The following TMEM181 variants were observed in gnomAD, a reference collection of about 807,000 sequenced individuals.
TMEM181 encodes transmembrane protein 181.
In TMEM181, 39 loss-of-function variants were observed where a neutral mutation model predicts 71.9. The ratio of observed to expected loss-of-function variants is 0.54; its 90% CI spans 0.42 to 0.71. The LOEUF is 0.71. Ranked by LOEUF, TMEM181 falls within the 30% of genes least tolerant of loss-of-function variation. The pLI is 0.00. For missense variants in TMEM181, 595 were observed against 583.0 expected, an observed-to-expected ratio of 1.02 and a Z score of -0.21; for synonymous variants, 245 against 228.8, an observed-to-expected ratio of 1.07 and a Z score of -0.64.
upstream of TMEM181, chr6:158,560,005 G>C (rs573932412): frequency 2.0e-6 from 2 of 977,010 alleles, no homozygotes; most frequent in African/African-American, 1.8e-5. Context: ...CTCGCCGCGC[G>C]CCCGCGGCCC....
At chr6:158,590,550 G>A (rs1486205154) in intron 6 of TMEM181, among the ~76,000 whole-genome samples, 1 of 151,970 alleles carries the variant, frequency 6.6e-6, no homozygotes, top group African/African-American at 2.4e-5. Context: ...TGCAACCTCC[G>A]CCTCCCGGGT....
At chr6:158,560,017 G>T (rs904694675), upstream of TMEM181, 1 of 983,370 alleles carries the variant, frequency 1.0e-6, no homozygotes, top group Non-Finnish European at 1.2e-6. Context: ...CCGCGGCCCC[G>T]CTTCCACCGC....
chr6:158,602,710 G>A (rs1784736501), intron 6 of TMEM181, among the ~76,000 whole-genome samples: 1 of 151,916 alleles, frequency 6.6e-6, no homozygotes, highest in Admixed American at 6.6e-5. Flanking sequence ...CTGAGTAGCT[G>A]TGAATACAGG....
At chr6:158,607,143 T>C in intron 7 of TMEM181, 101 bp from the exon 8 acceptor site, 6 of 917,892 alleles carry the variant, frequency 6.5e-6, no homozygotes, top group African/African-American at 1.6e-5. Context: ...ACCTAGACCA[T>C]TGATTAGAGA....
intron 1 of TMEM181, among the ~76,000 whole-genome samples, chr6:158,539,995 C>A (rs1336811465): frequency 6.6e-6 from 1 of 152,172 alleles, no homozygotes; most frequent in East Asian, 1.9e-4. Context: ...CACAGCGAAC[C>A]AGTCTAAACA....
At chr6:158,569,013 G>GT (rs1782662762) in intron 1 of TMEM181, among the ~76,000 whole-genome samples, 1 of 152,170 alleles carries the variant, frequency 6.6e-6, no homozygotes, top group Non-Finnish European at 1.5e-5. Flanking sequence ...GTCTCGCCCT[G>GT]TTACCCAGGC....
intron 1 of TMEM181, among the ~76,000 whole-genome samples, chr6:158,564,481 G>C (rs1036647573): frequency 3.3e-5 from 5 of 152,246 alleles, no homozygotes; most frequent in Non-Finnish European, 5.9e-5. Flanking sequence ...GCGGCAGCCA[G>C]CTGGAGGGGA....
chr6:158,538,892 AAATGTTCAAG>A, intron 1 of TMEM181, among the ~76,000 whole-genome samples: 2 of 152,202 alleles, frequency 1.3e-5, no homozygotes, highest in Non-Finnish European at 2.9e-5. Flanking sequence ...TAAAAACATG[AAATGTTCAAG>A]GCACAGATGG....
intron 10 of TMEM181, chr6:158,610,435 A>C: frequency 3.5e-6 from 1 of 285,058 alleles, no homozygotes; most frequent in South Asian, 8.0e-5. Context: ...TTCTGAACTT[A>C]GTCAAGGTCC....
chr6:158,600,442 G>A (rs1041235189), intron 6 of TMEM181, among the ~76,000 whole-genome samples: 14 of 143,852 alleles, frequency 9.7e-5, no homozygotes, highest in African/African-American at 3.4e-4. Context: ...GAGTCACCGT[G>A]CCTGGCCTAG....
chr6:158,594,073 T>G (rs1025065844), intron 6 of TMEM181, among the ~76,000 whole-genome samples: 3 of 151,566 alleles, frequency 2.0e-5, no homozygotes, highest in Non-Finnish European at 2.9e-5. Context: ...CAACCACTTG[T>G]CTTTTTACTA....
intron 10 of TMEM181, chr6:158,611,516 C>G (rs976740893): frequency 4.0e-6 from 2 of 502,120 alleles, no homozygotes; most frequent in East Asian, 5.6e-5. Context: ...ATTAAGAGTT[C>G]ATGGAGTTAC....
At chr6:158,572,067 C>T (rs980833926) in intron 1 of TMEM181, among the ~76,000 whole-genome samples, 1 of 152,272 alleles carries the variant, frequency 6.6e-6, no homozygotes, top group Non-Finnish European at 1.5e-5. Context: ...TGACCCTGGT[C>T]TGTGTGCTCA....
At chr6:158,569,897 C>G (rs571659213) in intron 1 of TMEM181, among the ~76,000 whole-genome samples, 2 of 152,240 alleles carry the variant, frequency 1.3e-5, no homozygotes, top group East Asian at 3.9e-4. Context: ...AGCCACCGCA[C>G]CCAGCCTCTC....
chr6:158,604,244 C>T (rs1219392924), intron 6 of TMEM181, among the ~76,000 whole-genome samples: 1 of 152,214 alleles, frequency 6.6e-6, no homozygotes, highest in Non-Finnish European at 1.5e-5. Context: ...ACCAGGGGCA[C>T]CCCTTGTTGT....
chr6:158,579,520 G>C (rs1462346305), intron 2 of TMEM181, among the ~76,000 whole-genome samples: 1 of 142,130 alleles, frequency 7.0e-6, no homozygotes, highest in African/African-American at 2.6e-5. Flanking sequence ...AGGAGTTCAA[G>C]ACCAGCCTGG....
chr6:158,626,464 C>G (rs541657526), intron 13 of TMEM181: 29 of 456,662 alleles, frequency 6.4e-5, no homozygotes, highest in African/African-American at 5.4e-4. Context: ...GATGTTGGCC[C>G]TTTTCCTTTA....
intron 16 of TMEM181, 47 bp downstream of exon 16, chr6:158,631,436 C>G: frequency 6.3e-7 from 1 of 1,582,234 alleles, no homozygotes; most frequent in South Asian, 1.1e-5. Flanking sequence ...GGCATCCCGG[C>G]ACGGCCTTGC....
rs151115572 is a variant in TMEM181, at chr6:158,570,014, G to A, written c.9-3406G>A. On this transcript the variant is annotated intron_variant, in intron 1 of 16. Coordinates refer to ENST00000684151, the MANE Select transcript of TMEM181 (RefSeq NM_001376852.1). ...TTTTGAAATCAAGATTTAAAATATA[G>A]TTATTCTGGTTTTCTCTGCTTCCAA... Among the ~76,000 whole-genome samples the A allele has an allele frequency of 2.0e-3, 299 of 152,272 alleles. 1 individual carries two copies. The highest frequency in any genetic ancestry group is 6.8e-3 in the African/African-American group (283 of 41,564).
Sources: gnomAD v4.1 joint callset for allele counts (sites outside exome capture counted in the v4.1 genomes callset) on GRCh38, gnomAD v4.1.1 for gene constraint, MANE v1.5 for transcripts, NCBI Gene and HGNC (gene_info 2026-07-23, HGNC 2026-07-21) for gene names.